The following SLC35B4 variants were observed in gnomAD, a reference collection of about 807,000 sequenced individuals.
SLC35B4 encodes solute carrier family 35 member B4.
A neutral mutation model predicts 39.5 loss-of-function variants in SLC35B4; 28 were observed. The ratio of observed to expected loss-of-function variants is 0.71; its 90% CI spans 0.53 to 0.97. The LOEUF (loss-of-function observed/expected upper bound fraction) is 0.97. Ranked by LOEUF, SLC35B4 falls within the 50% of genes least tolerant of loss-of-function variation. The pLI, the probability that SLC35B4 is intolerant of heterozygous loss-of-function variation, is 0.00. For synonymous variants in SLC35B4, 145 were observed against 150.4 expected, an observed-to-expected ratio of 0.96 and a Z score of 0.26; for missense variants, 334 against 414.3, an observed-to-expected ratio of 0.81 and a Z score of 1.68.
At chr7:134,298,162 A>G (rs1424093303) in intron 8 of SLC35B4, among the ~76,000 whole-genome samples, 1 of 152,224 alleles carries the variant, frequency 6.6e-6, no homozygotes, top group African/African-American at 2.4e-5. Context: ...CATAAAGACT[A>G]ATTTTTGAAA....
intron 8 of SLC35B4, among the ~76,000 whole-genome samples, chr7:134,298,540 A>G (rs1803516847): frequency 6.6e-6 from 1 of 152,240 alleles, no homozygotes; most frequent in Non-Finnish European, 1.5e-5. Context: ...AATCAATCAC[A>G]TGGAATTTGA....
chr7:134,313,699 A>G (rs1246120277), intron 1 of SLC35B4, among the ~76,000 whole-genome samples: 1 of 152,218 alleles, frequency 6.6e-6, no homozygotes, highest in African/African-American at 2.4e-5. Flanking sequence ...GTCACTTAGC[A>G]TTTATATTTA....
chr7:134,316,793 C>A lies in SLC35B4; in HGVS notation c.-42G>T. On this transcript the variant is annotated 5_prime_UTR_variant, in exon 1 of 10. Transcript: ENST00000378509. ...GGGAAGCAAGCGCACAGAGTAAGCGCCCGCCTGTACCGCTACCCCAGGAAG... is the reference window on the plus strand; with the variant it reads ...GGGAAGCAAGCGCACAGAGTAAGCGACCGCCTGTACCGCTACCCCAGGAAG... 1 of 1,530,260 alleles carries A rather than the reference C, an allele frequency of 6.5e-7. No individual in the cohort carries two copies. The highest frequency in any genetic ancestry group is 1.4e-5 in the African/African-American group (1 of 72,886). 94.8% of individuals were successfully genotyped at this position (1,530,260 alleles called of 1,614,324 possible). A position where few individuals can be genotyped will look rare whatever the true frequency, so the allele number is the denominator to read the frequency against.
At chr7:134,310,546 CTTTT>C (rs1275292627) in intron 1 of SLC35B4, among the ~76,000 whole-genome samples, 1 of 140,826 alleles carries the variant, frequency 7.1e-6, no homozygotes, top group Non-Finnish European at 1.6e-5. Flanking sequence ...GTGTTTTCAT[CTTTT>C]TTTTTTTTTT....
At chr7:134,308,117 T>C (rs1803751824) in intron 2 of SLC35B4, among the ~76,000 whole-genome samples, 1 of 152,106 alleles carries the variant, frequency 6.6e-6, no homozygotes, top group South Asian at 2.1e-4. Flanking sequence ...ACATAGGACA[T>C]GCATGAGAAT....
upstream of SLC35B4, among the ~76,000 whole-genome samples, chr7:134,319,811 C>T (rs1291782225): frequency 6.6e-6 from 1 of 152,134 alleles, no homozygotes; most frequent in Non-Finnish European, 1.5e-5. Context: ...AGTTTTCGGT[C>T]TTCCTCTTTT....
At chr7:134,319,599 C>T (rs2117334367), upstream of SLC35B4, among the ~76,000 whole-genome samples, 1 of 152,208 alleles carries the variant, frequency 6.6e-6, no homozygotes, top group Non-Finnish European at 1.5e-5. Flanking sequence ...GAATAGTGAT[C>T]CTGCGTGTGT....
At chr7:134,318,833 T>TCTTC (rs758775918), upstream of SLC35B4, among the ~76,000 whole-genome samples, 4 of 152,228 alleles carry the variant, frequency 2.6e-5, no homozygotes, top group Non-Finnish European at 5.9e-5. Flanking sequence ...TCTGTATCTT[T>TCTTC]CTTCCTTCCT....
chr7:134,316,178 G>A (rs1446503408), intron 1 of SLC35B4, among the ~76,000 whole-genome samples: 1 of 152,122 alleles, frequency 6.6e-6, no homozygotes, highest in Non-Finnish European at 1.5e-5. Context: ...AACTTTCTTT[G>A]CAGTATGTAC....
At chr7:134,314,403 T>C (rs1803920678) in intron 1 of SLC35B4, among the ~76,000 whole-genome samples, 2 of 152,228 alleles carry the variant, frequency 1.3e-5, no homozygotes, top group Admixed American at 1.3e-4. Context: ...AAGAGGGGAT[T>C]CAGTTGCTTG....
rs373351515 is a variant in SLC35B4 at position 134,292,498 on chromosome 7, C to T, written c.*2335G>A. ...AATACACATGCTCTAAGACCAGACG[C>T]GAAAACCTAATGGGCCCAAGTACTG... On this transcript the variant is annotated 3_prime_UTR_variant, in exon 10 of 10. Coordinates refer to ENST00000378509, the MANE Select transcript of SLC35B4 (RefSeq NM_032826.5). 6.6e-6 allele frequency: 1 copy of T among 152,048 alleles called. No homozygotes were observed. The highest frequency in any genetic ancestry group is 1.5e-5 in the Non-Finnish European group (1 of 68,018). The allele number at this position is 152,048 out of a possible 1,614,324, so 9.4% of individuals were successfully genotyped here. A position where few individuals can be genotyped will look rare whatever the true frequency, so the allele number is the denominator to read the frequency against.
rs901650758 is a variant in SLC35B4 at position 134,293,590 on chromosome 7, T to G, written c.*1243A>C. On this transcript the variant is annotated 3_prime_UTR_variant, in exon 10 of 10. Transcript: ENST00000378509. ...CATTCCCTTGATGGGTCGTGACTCT[T>G]AACAGAGTCATCGGGCAGAGGGGAA... is the stretch of plus-strand genomic sequence containing the variant. 2 of 152,116 alleles carry G rather than the reference T, an allele frequency of 1.3e-5. No homozygotes were observed. The highest frequency in any genetic ancestry group is 2.9e-5 in the Non-Finnish European group (2 of 68,038). 9.4% of individuals were successfully genotyped at this position (152,116 alleles called of 1,614,324 possible).
intron 9 of SLC35B4, 45 bp downstream of exon 9, chr7:134,296,346 G>T (rs1803464946): frequency 6.6e-7 from 1 of 1,507,424 alleles, no homozygotes; most frequent in Non-Finnish European, 9.2e-7. Flanking sequence ...TGTGCCAAAA[G>T]AACCTGATGA....
At chr7:134,305,338 A>G (rs565011077) in intron 3 of SLC35B4, among the ~76,000 whole-genome samples, 8 of 150,898 alleles carry the variant, frequency 5.3e-5, no homozygotes, top group East Asian at 3.9e-4. Context: ...AAATATACGT[A>G]TATATATATA....
At chr7:134,312,234 G>A (rs1215063683) in intron 1 of SLC35B4, among the ~76,000 whole-genome samples, 2 of 152,084 alleles carry the variant, frequency 1.3e-5, no homozygotes, top group African/African-American at 4.8e-5. Flanking sequence ...TTTCACTGTC[G>A]TAGTGAGTAT....
At chr7:134,318,471 A>G (rs1450385299), upstream of SLC35B4, among the ~76,000 whole-genome samples, 1 of 108,462 alleles carries the variant, frequency 9.2e-6, no homozygotes, top group African/African-American at 4.1e-5. Context: ...ATATATACAC[A>G]CACACATATA....
chr7:134,302,977 C>T (rs1416441840), intron 4 of SLC35B4, among the ~76,000 whole-genome samples: 1 of 152,112 alleles, frequency 6.6e-6, no homozygotes, highest in Non-Finnish European at 1.5e-5. Context: ...TGAACCTCTT[C>T]AGTCTGCAAA....
At chr7:134,296,599 C>T (rs1015120364) in intron 8 of SLC35B4, 133 bp from the exon 9 acceptor site, 2 of 629,122 alleles carry the variant, frequency 3.2e-6, no homozygotes, top group South Asian at 4.3e-5. Context: ...AATTGGATCA[C>T]GCATCACTTT....
At chr7:134,295,860 C>T (rs557271292) in intron 9 of SLC35B4, among the ~76,000 whole-genome samples, 2 of 152,266 alleles carry the variant, frequency 1.3e-5, no homozygotes, top group African/African-American at 4.8e-5. Flanking sequence ...GATGGAGTCT[C>T]ACTCTGTTGT....
Sources: allele counts gnomAD v4.1 joint callset (sites outside exome capture counted in the v4.1 genomes callset), GRCh38; gene constraint gnomAD v4.1.1; transcripts MANE v1.5; gene names NCBI Gene and HGNC (gene_info 2026-07-23, HGNC 2026-07-21).